The following RBL1 variants were observed in gnomAD, a reference collection of about 807,000 sequenced individuals.
The protein encoded by RBL1 is RB transcriptional corepressor like 1.
RBL1 carries 82 observed loss-of-function variants against 123.0 expected under a neutral mutation model. The observed-to-expected ratio is 0.67, with a 90% CI of 0.56 to 0.80. The LOEUF (loss-of-function observed/expected upper bound fraction) is 0.80, where lower values mean the gene tolerates loss of function less well. RBL1 is among the 30% of genes least tolerant of loss of function. The pLI is 0.00. For synonymous variants in RBL1, 405 were observed against 441.3 expected, an observed-to-expected ratio of 0.92 and a Z score of 1.03; for missense variants, 1,171 against 1,299.6, an observed-to-expected ratio of 0.90 and a Z score of 1.52.
chr20:37,089,577 A>G (rs987754021), intron 1 of RBL1, among the ~76,000 whole-genome samples: 4 of 151,820 alleles, frequency 2.6e-5, no homozygotes, highest in Non-Finnish European at 4.4e-5. Context: ...TCAGGAGTTC[A>G]AGACTGCAGT....
At chr20:37,081,757 C>G (rs975419371) in intron 2 of RBL1, 5 of 279,318 alleles carry the variant, frequency 1.8e-5, no homozygotes, top group South Asian at 1.6e-4. Flanking sequence ...GTAAAATAAC[C>G]AGTGTCTATG....
At chr20:37,073,694 T>C (rs2065316585) in intron 2 of RBL1, among the ~76,000 whole-genome samples, 1 of 34,690 alleles carries the variant, frequency 2.9e-5, no homozygotes, top group South Asian at 5.6e-4. Context: ...TGAGATCCTG[T>C]CTCAAAAAAA....
Position 37,067,981 on chromosome 20 carries a change from C to T in RBL1, c.491+5G>A. Reference sequence around the variant, plus strand: ...ATGTCAATTATATAAGGATTAAGGGCTCACCTCTGCTTCCGGCTTCGTGGT... The same window carrying T: ...ATGTCAATTATATAAGGATTAAGGGTTCACCTCTGCTTCCGGCTTCGTGGT... On this transcript the variant is annotated splice_donor_5th_base_variant and intron_variant, in intron 3 of 21. Coordinates refer to ENST00000373664, the MANE Select transcript of RBL1 (RefSeq NM_002895.5). 2 of 1,612,804 alleles carry T rather than the reference C, an allele frequency of 1.2e-6. No individual in the cohort carries two copies. Among genetic ancestry groups the T allele is most frequent in the Non-Finnish European group, 1.7e-6 (2 of 1,179,620 alleles).
intron 21 of RBL1, among the ~76,000 whole-genome samples, chr20:37,001,878 A>T (rs887737500): frequency 1.4e-5 from 2 of 146,250 alleles, no homozygotes; most frequent in African/African-American, 5.1e-5. Context: ...AAAGATGTCC[A>T]TGAGGTAGAG....
rs1335009188 is a variant in RBL1 at position 37,040,263 on chromosome 20, T to C, written c.1793A>G (p.Glu598Gly). The change falls in exon 14 of 22, where the codon GAA becomes GGA. Residue 598 changes from glutamate to glycine, a missense_variant. Glu to Gly is a moderately conservative substitution (Grantham distance 98). Transcript: ENST00000373664. Reference protein sequence around the residue: ...CEEVIFPNNFETGNGGNVQGH... With the variant: ...CEEVIFPNNFGTGNGGNVQGH... ...CTGCACATTTCCTCCATTTCCTGTT[T>C]CAAAGTTATTTGGGAATATAACCTG... The C allele has an allele frequency of 6.2e-7, 1 of 1,614,098 alleles. No homozygotes were observed. Among genetic ancestry groups the C allele is most frequent in the South Asian group, 1.1e-5 (1 of 91,072 alleles).
At chr20:37,064,791 G>C (rs1158624165) in intron 7 of RBL1, among the ~76,000 whole-genome samples, 1 of 152,036 alleles carries the variant, frequency 6.6e-6, no homozygotes, top group Admixed American at 6.6e-5. Context: ...TGAATTTTTA[G>C]TAGAGATGCG....
chr20:37,046,148 G>C (rs1415347966), intron 12 of RBL1, among the ~76,000 whole-genome samples: 1 of 152,184 alleles, frequency 6.6e-6, no homozygotes, highest in Non-Finnish European at 1.5e-5. Flanking sequence ...ACTTGGGGAA[G>C]AAGCATAATC....
intron 14 of RBL1, among the ~76,000 whole-genome samples, chr20:37,037,994 T>C (rs1278734154): frequency 6.9e-6 from 1 of 145,506 alleles, no homozygotes; most frequent in East Asian, 2.0e-4. Context: ...CATTGTTTTT[T>C]TTTTTTTTTT....
At chr20:37,055,242 T>C (rs1234634007) in intron 11 of RBL1, among the ~76,000 whole-genome samples, 1 of 147,808 alleles carries the variant, frequency 6.8e-6, no homozygotes, top group African/African-American at 2.5e-5. Context: ...TTGGAAGGTA[T>C]GGACAAATGT....
chr20:37,020,726 G>T lies in RBL1; in HGVS notation c.2564C>A (p.Thr855Lys), dbSNP rs1449017428. The change falls in exon 18 of 22, where the codon ACA becomes AAA. Residue 855 changes from threonine (T) to lysine (K), a missense_variant. Coordinates refer to ENST00000373664, the MANE Select transcript of RBL1 (RefSeq NM_002895.5). ...LCAFYIMAKV[T>K]KEERTFQEIM... Reference sequence around the variant, plus strand: ...TTCTTGAAAAGTTCTTTCTTCTTTTGTTACCTAAGGAAAATAAAAACCGCA... The same window carrying T: ...TTCTTGAAAAGTTCTTTCTTCTTTTTTTACCTAAGGAAAATAAAAACCGCA... The T allele has an allele frequency of 6.4e-7, 1 of 1,568,186 alleles. No homozygotes were observed. Among genetic ancestry groups the T allele is most frequent in the Admixed American group, 1.8e-5 (1 of 55,688 alleles).
At chr20:37,020,618 T>C in intron 18 of RBL1, 41 bp downstream of exon 18, 1 of 1,327,294 alleles carries the variant, frequency 7.5e-7, no homozygotes, top group South Asian at 1.3e-5. Context: ...TGGAAAAGAG[T>C]AAATCTATTT....
chr20:37,077,538 C>CGAAG (rs1239193279), intron 2 of RBL1, among the ~76,000 whole-genome samples: 3 of 152,168 alleles, frequency 2.0e-5, no homozygotes, highest in African/African-American at 7.2e-5. Flanking sequence ...TGCAGCTCTT[C>CGAAG]CCTCAAGATG....
Position 37,029,825 on chromosome 20 carries a change from CT to C in RBL1, c.2382+2839del, listed in dbSNP as rs149883000. ...AAAAAATGAAATTAAGACAATTCTA[CT>C]TACTTATTACTTACAATAGCATCAA... On this transcript the variant is annotated intron_variant, in intron 16 of 21. Coordinates refer to ENST00000373664, the MANE Select transcript of RBL1 (RefSeq NM_002895.5). Among the ~76,000 whole-genome samples the C allele has an allele frequency of 1.5e-3, 224 of 152,260 alleles. 1 individual carries two copies. Among genetic ancestry groups the C allele is most frequent in the African/African-American group, 5.0e-3 (207 of 41,564 alleles).
chr20:37,035,117 A>T (rs545087657), intron 15 of RBL1, 125 bp downstream of exon 15: 154 of 634,906 alleles, frequency 2.4e-4, no homozygotes, highest in Admixed American at 3.3e-4. Flanking sequence ...AAATCTATTT[A>T]AAAAAAAAAA....
At chr20:37,073,697 CAAAAAAAGA>C in intron 2 of RBL1, among the ~76,000 whole-genome samples, 1 of 26,532 alleles carries the variant, frequency 3.8e-5, no homozygotes, top group East Asian at 9.9e-4. Flanking sequence ...GATCCTGTCT[CAAAAAAAGA>C]AAAAAAAAAA....
At chr20:37,085,123 T>C (rs765233422) in intron 2 of RBL1, among the ~76,000 whole-genome samples, 40 of 150,744 alleles carry the variant, frequency 2.7e-4, no homozygotes, top group South Asian at 4.2e-4. Context: ...GACGTTTTTC[T>C]TTTCTTTTCT....
At position 37,040,193 on chromosome 20, in the gene RBL1, T is replaced by C. The variant is rs147095055; in HGVS notation, c.1863A>G (p.Arg621=). 5 of 1,614,074 alleles carry C rather than the reference T, an allele frequency of 3.1e-6. No individual in the cohort carries two copies. The African/African-American group carries it at 6.7e-5, about 22-fold the overall frequency. ...CACTGTCAGTTCGAACTTCCTTGAC[T>C]CTTGGGTGCATTAGAGGAGACATTG... ...LMPMSPLMHP[R]VKEVRTDSGS... The change falls in exon 14 of 22, where the codon AGA becomes AGG. Residue 621 remains arginine, a synonymous_variant. Coordinates refer to ENST00000373664, the MANE Select transcript of RBL1 (RefSeq NM_002895.5).
chr20:37,085,530 T>A (rs543659544), intron 2 of RBL1, among the ~76,000 whole-genome samples: 1 of 152,240 alleles, frequency 6.6e-6, no homozygotes, highest in Admixed American at 6.5e-5. Flanking sequence ...AAAACATACA[T>A]AACCTTTACC....
chr20:37,011,047 C>T (rs946005479), intron 19 of RBL1, among the ~76,000 whole-genome samples: 5 of 151,798 alleles, frequency 3.3e-5, no homozygotes, highest in African/African-American at 4.8e-5. Flanking sequence ...CTTTAATTTC[C>T]GGGCTCAAGG....
Sources: allele counts gnomAD v4.1 joint callset (sites outside exome capture counted in the v4.1 genomes callset), GRCh38; gene constraint gnomAD v4.1.1; transcripts MANE v1.5; gene names NCBI Gene and HGNC (gene_info 2026-07-23, HGNC 2026-07-21).